Variants in FAM227B observed in about 807,000 individuals in gnomAD.
FAM227B encodes family with sequence similarity 227 member B, also known as protein FAM227B.
FAM227B carries 88 observed loss-of-function variants against 73.8 expected under a neutral mutation model. The ratio of observed to expected loss-of-function variants is 1.19; its 90% confidence interval spans 1.00 to 1.42. FAM227B has a LOEUF of 1.42. Ranked by LOEUF, FAM227B falls within the 40% of genes most tolerant of loss-of-function variation. FAM227B has a pLI of 0.00. For missense variants in FAM227B, 632 were observed against 590.9 expected, an observed-to-expected ratio of 1.07 and a Z score of -0.72; for synonymous variants, 210 against 190.5, an observed-to-expected ratio of 1.10 and a Z score of -0.84.
At chr15:49,466,344 C>A (rs375885615) in intron 11 of FAM227B, among the ~76,000 whole-genome samples, 13 of 152,080 alleles carry the variant, frequency 8.5e-5, no homozygotes, top group African/African-American at 3.1e-4. Context: ...ATTCCAGGAA[C>A]TGGTAGGCAG....
At chr15:49,567,024 C>T (rs544727960) in intron 9 of FAM227B, among the ~76,000 whole-genome samples, 1 of 152,162 alleles carries the variant, frequency 6.6e-6, no homozygotes, top group South Asian at 2.1e-4. Flanking sequence ...ATTTAAAAGC[C>T]TCTTATCTTT....
chr15:49,380,820 T>C (rs2046479500), intron 11 of FAM227B, among the ~76,000 whole-genome samples: 2 of 152,170 alleles, frequency 1.3e-5, no homozygotes, highest in Non-Finnish European at 2.9e-5. Context: ...GTGACACAGC[T>C]GTGGTCAATG....
intron 3 of FAM227B, among the ~76,000 whole-genome samples, chr15:49,594,777 G>C (rs996807866): frequency 2.4e-4 from 37 of 152,076 alleles, no homozygotes; most frequent in African/African-American, 8.5e-4. Context: ...CTGTCCATTG[G>C]CTTATATGCC....
chr15:49,363,796 C>T (rs763420965), intron 13 of FAM227B, among the ~76,000 whole-genome samples: 11 of 151,958 alleles, frequency 7.2e-5, no homozygotes, highest in Non-Finnish European at 1.6e-4. Context: ...CCTTCAATGT[C>T]TAGTTTGTTG....
intron 13 of FAM227B, among the ~76,000 whole-genome samples, chr15:49,355,899 A>T (rs1596465357): frequency 1.3e-5 from 2 of 152,242 alleles, no homozygotes; most frequent in Non-Finnish European, 2.9e-5. Context: ...CTCTCGGCAG[A>T]AACCCTACAA....
intron 5 of FAM227B, among the ~76,000 whole-genome samples, chr15:49,584,136 C>T (rs1180585394): frequency 6.6e-6 from 1 of 152,134 alleles, no homozygotes; most frequent in Non-Finnish European, 1.5e-5. Context: ...CAAATTGAAT[C>T]CAGCAGTACA....
chr15:49,337,545 C>CT (rs1387194520), intron 13 of FAM227B, among the ~76,000 whole-genome samples: 1 of 65,330 alleles, frequency 1.5e-5, no homozygotes, highest in African/African-American at 6.6e-5. Context: ...TAGTATTATA[C>CT]TTTAAGTTCT....
chr15:49,520,697 T>C, intron 10 of FAM227B, among the ~76,000 whole-genome samples: 1 of 152,132 alleles, frequency 6.6e-6, no homozygotes, highest in Non-Finnish European at 1.5e-5. Context: ...ACTTATTTAC[T>C]ATCATGAGAA....
chr15:49,444,875 CT>C (rs1476602938), intron 11 of FAM227B, among the ~76,000 whole-genome samples: 2 of 151,536 alleles, frequency 1.3e-5, no homozygotes, highest in African/African-American at 4.8e-5. Context: ...AAAGTTTAGC[CT>C]CTCTTTTTTT....
chr15:49,567,852 G>A (rs2074780173), intron 9 of FAM227B, among the ~76,000 whole-genome samples: 1 of 152,088 alleles, frequency 6.6e-6, no homozygotes, highest in African/African-American at 2.4e-5. Context: ...TGTAACAGGT[G>A]CTTAGTCCTT....
At chr15:49,504,917 A>T (rs2058462025) in intron 11 of FAM227B, among the ~76,000 whole-genome samples, 1 of 152,234 alleles carries the variant, frequency 6.6e-6, no homozygotes, top group South Asian at 2.1e-4. Context: ...GAGAAATAAA[A>T]TCCTATATCC....
Position 49,367,623 on chromosome 15 carries a change from A to C in FAM227B, c.1111-15T>G, listed in dbSNP as rs757792097. 5 of 1,534,526 alleles carry C rather than the reference A, an allele frequency of 3.3e-6. No homozygotes were observed. The highest frequency in any genetic ancestry group is 2.5e-5 in the Admixed American group (1 of 39,458). On this transcript the variant is annotated splice_polypyrimidine_tract_variant and intron_variant, in intron 12 of 15. Coordinates refer to ENST00000299338, the MANE Select transcript of FAM227B (RefSeq NM_152647.3). ...CTATAGTGCGACTGTAAGAGGAAGAAAATAATCAAGACAACGATTACTTTT... is the reference window on the plus strand; with the variant it reads ...CTATAGTGCGACTGTAAGAGGAAGACAATAATCAAGACAACGATTACTTTT...
At chr15:49,339,968 C>T (rs569396173) in intron 13 of FAM227B, among the ~76,000 whole-genome samples, 4 of 152,174 alleles carry the variant, frequency 2.6e-5, no homozygotes, top group Admixed American at 6.5e-5. Context: ...ACCCCTCCCC[C>T]CACCAAGCTT....
intron 11 of FAM227B, among the ~76,000 whole-genome samples, chr15:49,479,555 G>A (rs546033689): frequency 1.4e-5 from 2 of 145,806 alleles, no homozygotes; most frequent in Non-Finnish European, 3.0e-5. Context: ...GAGCAACTTC[G>A]TGGCTTCTGA....
intron 15 of FAM227B, chr15:49,329,224 T>C: frequency 2.0e-6 from 2 of 986,390 alleles, no homozygotes; most frequent in Non-Finnish European, 2.4e-6. Context: ...ATGGTATTGA[T>C]GGGTATCTCT....
At chr15:49,376,222 A>G (rs2046153290) in intron 11 of FAM227B, among the ~76,000 whole-genome samples, 1 of 151,930 alleles carries the variant, frequency 6.6e-6, no homozygotes, top group South Asian at 2.1e-4. Context: ...ACGAAGAGTT[A>G]CTCCTGTTTT....
intron 11 of FAM227B, among the ~76,000 whole-genome samples, chr15:49,371,992 A>AAATAAAATTCACTTATAAATC (rs2045859065): frequency 5.7e-5 from 2 of 34,804 alleles, no homozygotes; most frequent in African/African-American, 2.3e-4. Context: ...ACTTATAAAT[A>AAATAAAATTCACTTATAAATC]AATGAAATAA....
chr15:49,551,235 C>G (rs971536805), intron 9 of FAM227B, among the ~76,000 whole-genome samples: 2 of 151,822 alleles, frequency 1.3e-5, no homozygotes, highest in African/African-American at 4.8e-5. Flanking sequence ...GGCAGCAGTA[C>G]AGTCCAGCTT....
chr15:49,385,242 T>G (rs2046808301), intron 11 of FAM227B, among the ~76,000 whole-genome samples: 1 of 151,918 alleles, frequency 6.6e-6, no homozygotes, highest in Non-Finnish European at 1.5e-5. Context: ...GCATTTCTGA[T>G]GCAGAGTAGT....
Sources: allele counts gnomAD v4.1 joint callset (sites outside exome capture counted in the v4.1 genomes callset), GRCh38; gene constraint gnomAD v4.1.1; transcripts MANE v1.5; gene names NCBI Gene and HGNC (gene_info 2026-07-23, HGNC 2026-07-21).